RORA: variants seen among roughly 807,000 people sequenced by gnomAD.
RORA encodes the protein RAR related orphan receptor A, also known as nuclear receptor ROR-alpha.
A neutral mutation model predicts 69.5 loss-of-function variants in RORA; 7 were observed. The ratio of observed to expected loss-of-function variants is 0.10; its 90% CI spans 0.06 to 0.19. RORA has a LOEUF of 0.19. Ranked by LOEUF, RORA falls within the 10% of genes least tolerant of loss-of-function variation. The pLI is 1.00. For missense variants in RORA, 457 were observed against 663.0 expected (o/e 0.69, Z 3.41); for synonymous variants, 261 against 240.8 (o/e 1.08, Z -0.78).
chr15:61,099,782 C>A (rs1595985420), intron 1 of RORA, among the ~76,000 whole-genome samples: 1 of 152,134 alleles, frequency 6.6e-6, no homozygotes, highest in African/African-American at 2.4e-5. Context: ...GTTAATGGGC[C>A]AGAACTGGTT....
At chr15:61,206,861 G>C (rs902880706) in intron 1 of RORA, among the ~76,000 whole-genome samples, 7 of 152,136 alleles carry the variant, frequency 4.6e-5, no homozygotes, top group African/African-American at 1.4e-4. Context: ...CTACCATATG[G>C]ATTCAACAAA....
At chr15:60,996,479 C>G (rs909889458) in intron 1 of RORA, among the ~76,000 whole-genome samples, 15 of 152,168 alleles carry the variant, frequency 9.9e-5, no homozygotes, top group Non-Finnish European at 1.6e-4. Flanking sequence ...ATATCTGATT[C>G]AAAATTAAAG....
At chr15:60,810,353 T>C (rs1458688998) in intron 1 of RORA, among the ~76,000 whole-genome samples, 1 of 152,166 alleles carries the variant, frequency 6.6e-6, no homozygotes, top group African/African-American at 2.4e-5. Flanking sequence ...TGATCTTTTA[T>C]ACAAAAGCTG....
At chr15:60,711,021 T>C (rs1235459784) in intron 1 of RORA, among the ~76,000 whole-genome samples, 1 of 152,184 alleles carries the variant, frequency 6.6e-6, no homozygotes, top group African/African-American at 2.4e-5. Flanking sequence ...AGTGGTGTGC[T>C]GAGACTAGAA....
chr15:60,940,008 T>A (rs1892644048), intron 1 of RORA, among the ~76,000 whole-genome samples: 1 of 152,228 alleles, frequency 6.6e-6, no homozygotes, highest in Admixed American at 6.5e-5. Context: ...TAGGCCATCA[T>A]GTCAGCTTTG....
At chr15:60,576,423 A>G (rs1027959224) in intron 2 of RORA, among the ~76,000 whole-genome samples, 3 of 152,238 alleles carry the variant, frequency 2.0e-5, no homozygotes, top group Admixed American at 2.0e-4. Context: ...AATGCCCCCT[A>G]TTTGATAATA....
Position 60,952,480 on chromosome 15 carries a change from AG to A in RORA, c.167-273795del, listed in dbSNP as rs1360682944. ...AGAAGGAAATAAAGGGTATTCAATTAGGAAAAGAGGAAGTCAAATTGTCCCT... is the reference window on the plus strand; with the variant it reads ...AGAAGGAAATAAAGGGTATTCAATTAGAAAAGAGGAAGTCAAATTGTCCCT... On this transcript the variant is annotated intron_variant, in intron 1 of 10. Transcript: ENST00000335670. Among the ~76,000 whole-genome samples, 7 of 151,988 alleles carry A rather than the reference AG, an allele frequency of 4.6e-5. No individual in the cohort carries two copies. The East Asian group carries it at 1.4e-3, about 30-fold the overall frequency.
In RORA at chr15:61,059,982, GGAAGAGGAAGAAGAAGAAGAA is replaced by G. The variant is rs1171745743; in HGVS notation, c.166+169050_166+169070del. Among the ~76,000 whole-genome samples, 85 of 77,482 alleles carry G rather than the reference GGAAGAGGAAGAAGAAGAAGAA, an allele frequency of 1.1e-3. No individual in the cohort carries two copies. In the Middle Eastern group the frequency reaches 0.023, roughly 21 times the overall value. The allele number at this position is 77,482 out of a possible 152,430, so 50.8% of individuals were successfully genotyped here. A position where few individuals can be genotyped will look rare whatever the true frequency, so the allele number is the denominator to read the frequency against. On this transcript the variant is annotated intron_variant, in intron 1 of 10. Coordinates refer to ENST00000335670, the MANE Select transcript of RORA (RefSeq NM_134261.3). ...AAGAAGAGGAAGAGGAAGAGGAAGAGGAAGAGGAAGAAGAAGAAGAAGAAGAAGAAGAAGAAGAAGAAGAAG... is the reference window on the plus strand; with the variant it reads ...AAGAAGAGGAAGAGGAAGAGGAAGAGGAAGAAGAAGAAGAAGAAGAAGAAG...
At chr15:60,514,814 C>A in intron 3 of RORA, 57 bp from the exon 4 acceptor site, 1 of 1,413,316 alleles carries the variant, frequency 7.1e-7, no homozygotes, top group South Asian at 1.2e-5. Flanking sequence ...TGGTATGATA[C>A]TAAAGGCAGG....
intron 1 of RORA, among the ~76,000 whole-genome samples, chr15:60,951,377 G>T (rs1893089562): frequency 1.4e-5 from 2 of 142,496 alleles, no homozygotes; most frequent in Non-Finnish European, 3.1e-5. Context: ...ACAATTAAAA[G>T]AACTAGAAAA....
chr15:60,949,247 C>T (rs925060437), intron 1 of RORA, among the ~76,000 whole-genome samples: 1 of 152,152 alleles, frequency 6.6e-6, no homozygotes, highest in Non-Finnish European at 1.5e-5. Context: ...TGATTCCCAG[C>T]CCAGCCAAAC....
rs374433414 is a variant in RORA at position 60,763,065 on chromosome 15, A to ATTTTTTTT, written c.167-84387_167-84380dup. Reference sequence around the variant, plus strand: ...AAAGTACTGTTTCCAATATGCACAGATTTTTTTTTTTTTTTTTTTTTTTTT... The same window carrying ATTTTTTTT: ...AAAGTACTGTTTCCAATATGCACAGATTTTTTTTTTTTTTTTTTTTTTTTTTTTTTTTT... On this transcript the variant is annotated intron_variant, in intron 1 of 10. Coordinates refer to ENST00000335670, the MANE Select transcript of RORA (RefSeq NM_134261.3). Among the ~76,000 whole-genome samples the ATTTTTTTT allele has an allele frequency of 8.2e-3, 397 of 48,356 alleles. 49 individuals are homozygous for ATTTTTTTT. The highest frequency in any genetic ancestry group is 0.019 in the East Asian group (27 of 1,446). 31.7% of individuals were successfully genotyped at this position (48,356 alleles called of 152,430 possible).
At chr15:60,956,693 GCATTTATTGAGTACT>G (rs1321256152) in intron 1 of RORA, among the ~76,000 whole-genome samples, 1 of 152,126 alleles carries the variant, frequency 6.6e-6, no homozygotes, top group Non-Finnish European at 1.5e-5. Flanking sequence ...GAAGTGTTTG[GCATTTATTGAGTACT>G]CATCTTAAGG....
At chr15:60,535,913 C>A (rs1430306839) in intron 2 of RORA, among the ~76,000 whole-genome samples, 2 of 152,162 alleles carry the variant, frequency 1.3e-5, no homozygotes, top group African/African-American at 4.8e-5. Flanking sequence ...TCATTGCACT[C>A]TTATTAAGCA....
intron 1 of RORA, 95 bp from the exon 2 acceptor site, chr15:60,678,781 G>T: frequency 9.7e-7 from 1 of 1,031,788 alleles, no homozygotes; most frequent in Non-Finnish European, 1.5e-6. Flanking sequence ...AAGGCGTTTA[G>T]TTCAGATGGG....
At chr15:61,114,491 A>G (rs2079033363) in intron 1 of RORA, among the ~76,000 whole-genome samples, 1 of 152,208 alleles carries the variant, frequency 6.6e-6, no homozygotes, top group African/African-American at 2.4e-5. Context: ...TGTTTACTGT[A>G]TCCATATTTA....
intron 2 of RORA, among the ~76,000 whole-genome samples, chr15:60,641,911 A>G (rs1413950437): frequency 1.3e-5 from 2 of 152,366 alleles, no homozygotes; most frequent in Admixed American, 1.3e-4. Context: ...AAGTATTTGT[A>G]TGTCAAAGGA....
intron 1 of RORA, among the ~76,000 whole-genome samples, chr15:60,885,689 C>G (rs4774375): frequency 6.6e-6 from 1 of 152,004 alleles, no homozygotes; most frequent in African/African-American, 2.4e-5. Context: ...GTAGTCTTTA[C>G]GGAATGCAGT....
intron 1 of RORA, among the ~76,000 whole-genome samples, chr15:61,151,341 T>C (rs1412251571): frequency 6.6e-6 from 1 of 152,224 alleles, no homozygotes; most frequent in Non-Finnish European, 1.5e-5. Flanking sequence ...AAGCGCAATG[T>C]TGTACACTTA....
Sources: gnomAD v4.1 joint callset for allele counts (sites outside exome capture counted in the v4.1 genomes callset) on GRCh38, gnomAD v4.1.1 for gene constraint, MANE v1.5 for transcripts, NCBI Gene and HGNC (gene_info 2026-07-23, HGNC 2026-07-21) for gene names.